The following MACROD2 variants were observed in gnomAD, a reference collection of about 807,000 sequenced individuals.
MACROD2 encodes mono-ADP ribosylhydrolase 2.
In MACROD2, 36 loss-of-function variants were observed where a neutral mutation model predicts 70.4. That is an observed-to-expected ratio of 0.51 (90% CI 0.39 to 0.68). The LOEUF is 0.68. Among genes scored for constraint, MACROD2 ranks in the 30% least tolerant of loss-of-function variants. The probability of loss-of-function intolerance (pLI) is 0.00; values close to 1 mark genes in which losing one functional copy is unlikely to be tolerated. For synonymous variants in MACROD2, 172 were observed against 178.8 expected (o/e 0.96, Z 0.30); for missense variants, 496 against 538.4 (o/e 0.92, Z 0.78).
chr20:14,916,145 A>G (rs533476249), intron 5 of MACROD2, among the ~76,000 whole-genome samples: 1 of 152,272 alleles, frequency 6.6e-6, no homozygotes, highest in Admixed American at 6.5e-5. Flanking sequence ...CTCTCCCAGC[A>G]GAGAATGCAG....
At chr20:14,127,441 T>C in intron 3 of MACROD2, 1 of 464,358 alleles carries the variant, frequency 2.2e-6, no homozygotes, top group African/African-American at 2.0e-5. Flanking sequence ...TGGCAAATAA[T>C]GATGCTGTTC....
At chr20:14,519,915 A>G (rs539362456) in intron 4 of MACROD2, among the ~76,000 whole-genome samples, 1 of 152,282 alleles carries the variant, frequency 6.6e-6, no homozygotes, top group African/African-American at 2.4e-5. Context: ...TCCTTTGCAG[A>G]AATACGGATG....
chr20:15,579,576 A>G (rs2048496934), intron 8 of MACROD2, among the ~76,000 whole-genome samples: 1 of 152,164 alleles, frequency 6.6e-6, no homozygotes, highest in African/African-American at 2.4e-5. Flanking sequence ...GTGTTTGTGG[A>G]ATTTCCTTTG....
chr20:16,040,852 C>T (rs2067298102), intron 15 of MACROD2, among the ~76,000 whole-genome samples: 1 of 152,004 alleles, frequency 6.6e-6, no homozygotes, highest in Non-Finnish European at 1.5e-5. Flanking sequence ...ACTACATAAA[C>T]TCTCTCTCAC....
intron 5 of MACROD2, among the ~76,000 whole-genome samples, chr20:15,219,695 G>C (rs777782384): frequency 3.6e-4 from 54 of 152,090 alleles, no homozygotes; most frequent in Non-Finnish European, 6.2e-4. Context: ...CCTATGAATG[G>C]ATCAATTTCA....
intron 5 of MACROD2, among the ~76,000 whole-genome samples, chr20:14,828,381 TAAC>T (rs1443224813): frequency 6.6e-6 from 1 of 152,182 alleles, no homozygotes; most frequent in Non-Finnish European, 1.5e-5. Flanking sequence ...CCATCCAGAA[TAAC>T]ACCTATGTAA....
intron 3 of MACROD2, among the ~76,000 whole-genome samples, chr20:14,439,027 C>T (rs556856694): frequency 2.4e-4 from 36 of 152,158 alleles, no homozygotes; most frequent in East Asian, 9.6e-4. Context: ...AAGACTTTTG[C>T]GGTTTCAGGT....
intron 4 of MACROD2, among the ~76,000 whole-genome samples, chr20:14,605,425 A>G (rs892869627): frequency 6.6e-6 from 1 of 152,104 alleles, no homozygotes; most frequent in Non-Finnish European, 1.5e-5. Flanking sequence ...GACATCAGTC[A>G]TATTGGATTA....
At chr20:15,486,137 T>A (rs1374739989) in intron 7 of MACROD2, among the ~76,000 whole-genome samples, 2 of 152,050 alleles carry the variant, frequency 1.3e-5, no homozygotes, top group Non-Finnish European at 2.9e-5. Flanking sequence ...GTTCATCTAC[T>A]ATCAGTTCCT....
At chr20:15,802,503 A>G (rs1223693565) in intron 8 of MACROD2, among the ~76,000 whole-genome samples, 1 of 152,116 alleles carries the variant, frequency 6.6e-6, no homozygotes, top group Non-Finnish European at 1.5e-5. Flanking sequence ...TTATTTGTGT[A>G]TGTTGAACTG....
intron 4 of MACROD2, among the ~76,000 whole-genome samples, chr20:14,669,330 T>C (rs2070770208): frequency 6.6e-6 from 1 of 152,200 alleles, no homozygotes; most frequent in African/African-American, 2.4e-5. Flanking sequence ...TTTATATTTT[T>C]GCAAATATAC....
chr20:14,907,444 G>A (rs2073972668), intron 5 of MACROD2, among the ~76,000 whole-genome samples: 1 of 152,152 alleles, frequency 6.6e-6, no homozygotes, highest in Admixed American at 6.5e-5. Context: ...CCAATTTGGG[G>A]GCTTGCCTGC....
chr20:15,220,703 C>T (rs566319942), intron 5 of MACROD2, among the ~76,000 whole-genome samples: 21 of 152,070 alleles, frequency 1.4e-4, no homozygotes, highest in African/African-American at 3.6e-4. Flanking sequence ...TTTAAGGAAG[C>T]GAAATTCTTC....
intron 9 of MACROD2, among the ~76,000 whole-genome samples, chr20:15,883,623 T>C (rs1268149735): frequency 1.3e-5 from 2 of 151,944 alleles, no homozygotes; most frequent in East Asian, 3.9e-4. Context: ...AATCAATTCT[T>C]AGAAGAGGGG....
intron 2 of MACROD2, among the ~76,000 whole-genome samples, chr20:14,066,058 T>G (rs2053752839): frequency 6.6e-6 from 1 of 152,208 alleles, no homozygotes. Context: ...TTTTTTCTTT[T>G]TACTAATTTA....
intron 3 of MACROD2, among the ~76,000 whole-genome samples, chr20:14,230,626 C>A (rs930177807): frequency 9.0e-5 from 1 of 11,158 alleles, no homozygotes; most frequent in African/African-American, 2.7e-4. Flanking sequence ...AACTCTCATT[C>A]ATGTTTATAT....
chr20:15,899,013 CTATT>C (rs1439244894), intron 10 of MACROD2, among the ~76,000 whole-genome samples: 7 of 150,950 alleles, frequency 4.6e-5, no homozygotes, highest in Non-Finnish European at 8.9e-5. Context: ...TATGTGCTAT[CTATT>C]GTATGTATGT....
At chr20:14,113,784 T>C (rs2054481896) in intron 3 of MACROD2, among the ~76,000 whole-genome samples, 1 of 152,150 alleles carries the variant, frequency 6.6e-6, no homozygotes, top group Non-Finnish European at 1.5e-5. Flanking sequence ...AATAAATTAT[T>C]TTAAATGCAT....
intron 8 of MACROD2, among the ~76,000 whole-genome samples, chr20:15,656,192 C>T (rs2049727856): frequency 6.6e-6 from 1 of 152,128 alleles, no homozygotes; most frequent in African/African-American, 2.4e-5. Flanking sequence ...TATTGGGATC[C>T]GTTTTCTGAT....
Sources: gnomAD v4.1 joint callset for allele counts (sites outside exome capture counted in the v4.1 genomes callset) on GRCh38, gnomAD v4.1.1 for gene constraint, MANE v1.5 for transcripts, NCBI Gene and HGNC (gene_info 2026-07-23, HGNC 2026-07-21) for gene names.